Variants in MAP2 observed in about 807,000 individuals in gnomAD.
The protein encoded by MAP2 is microtubule-associated protein 2.
In MAP2, 14 loss-of-function variants were observed where a neutral mutation model predicts 137.6. The observed-to-expected ratio is 0.10, with a 90% confidence interval of 0.07 to 0.16. The LOEUF (loss-of-function observed/expected upper bound fraction) is 0.16, where lower values mean the gene tolerates loss of function less well. MAP2 is among the 10% of genes least tolerant of loss of function. MAP2 has a pLI of 1.00. For synonymous variants in MAP2, 786 were observed against 782.3 expected, an observed-to-expected ratio of 1.00 and a Z score of -0.08; for missense variants, 2,088 against 2,191.5, an observed-to-expected ratio of 0.95 and a Z score of 0.94.
chr2:209,552,570 A>C (rs1340845499), intron 2 of MAP2, among the ~76,000 whole-genome samples: 1 of 152,126 alleles, frequency 6.6e-6, no homozygotes, highest in Non-Finnish European at 1.5e-5. Flanking sequence ...TTATTTTGAG[A>C]AATACTTACT....
intron 3 of MAP2, among the ~76,000 whole-genome samples, chr2:209,624,473 A>G (rs1004496417): frequency 1.3e-5 from 2 of 152,208 alleles, no homozygotes; most frequent in East Asian, 3.8e-4. Context: ...CACTTCAGTA[A>G]GAAGTATTCT....
intron 3 of MAP2, among the ~76,000 whole-genome samples, chr2:209,622,913 C>T (rs2091542400): frequency 6.6e-6 from 1 of 152,042 alleles, no homozygotes; most frequent in African/African-American, 2.4e-5. Context: ...ATTGGGTACC[C>T]TGAATTTTTT....
chr2:209,706,809 A>G (rs1335868445), intron 12 of MAP2, among the ~76,000 whole-genome samples: 1 of 152,152 alleles, frequency 6.6e-6, no homozygotes, highest in East Asian at 1.9e-4. Flanking sequence ...AAATATGACT[A>G]TTGGCATTTA....
intron 1 of MAP2, among the ~76,000 whole-genome samples, chr2:209,484,211 C>T (rs2058079561): frequency 6.6e-6 from 1 of 152,090 alleles, no homozygotes; most frequent in African/African-American, 2.4e-5. Context: ...AATTGACTTC[C>T]CCCTGAGTGC....
chr2:209,618,472 A>G (rs1445043966), intron 3 of MAP2, among the ~76,000 whole-genome samples: 2 of 152,192 alleles, frequency 1.3e-5, no homozygotes, highest in African/African-American at 2.4e-5. Flanking sequence ...TCCCGGCAAG[A>G]TAAGTCTTAC....
At chr2:209,436,949 C>T (rs530277359) in intron 1 of MAP2, among the ~76,000 whole-genome samples, 1 of 151,710 alleles carries the variant, frequency 6.6e-6, no homozygotes, top group African/African-American at 2.4e-5. Flanking sequence ...AAACTACATT[C>T]TGTATTTTCA....
intron 1 of MAP2, among the ~76,000 whole-genome samples, chr2:209,486,654 T>C (rs77198584): frequency 0.069 from 10,462 of 152,328 alleles, 450 homozygotes; most frequent in Middle Eastern, 0.11. Context: ...ATCAGAAATT[T>C]AACCATCATT....
At chr2:209,692,494 A>G in intron 7 of MAP2, 131 bp from the exon 8 acceptor site, 1 of 912,904 alleles carries the variant, frequency 1.1e-6, no homozygotes, top group African/African-American at 1.7e-5. Flanking sequence ...TTACATGGGT[A>G]GCATGCTTGC....
At chr2:209,710,295 T>G (rs1442565980) in intron 13 of MAP2, 41 bp downstream of exon 13, 3 of 1,452,856 alleles carry the variant, frequency 2.1e-6, no homozygotes, top group Admixed American at 4.0e-5. Context: ...CAGAAATAAT[T>G]ATTACATTGC....
chr2:209,634,872 A>T (rs2093419497), intron 4 of MAP2, among the ~76,000 whole-genome samples: 1 of 152,130 alleles, frequency 6.6e-6, no homozygotes, highest in South Asian at 2.1e-4. Context: ...TCTTATAATA[A>T]TAGAGAAAGC....
Position 209,509,738 on chromosome 2 carries a change from A to G in MAP2, c.-172+2097A>G, listed in dbSNP as rs912451657. ...TCACAGAAAAAGCATGTTTATCTGT[A>G]AAACTGTTAGCTGAGCAAAATAACT... On this transcript the variant is annotated intron_variant, in intron 2 of 15. Coordinates refer to ENST00000682079, the MANE Select transcript of MAP2 (RefSeq NM_001375505.1). Among the ~76,000 whole-genome samples, 18 of 151,980 alleles carry G rather than the reference A, an allele frequency of 1.2e-4. 1 individual carries two copies. The highest frequency in any genetic ancestry group is 2.2e-4 in the Non-Finnish European group (15 of 67,836).
intron 1 of MAP2, among the ~76,000 whole-genome samples, chr2:209,457,846 G>A (rs1701904267): frequency 6.6e-6 from 1 of 152,258 alleles, no homozygotes; most frequent in East Asian, 1.9e-4. Flanking sequence ...TCCTTCTTAA[G>A]TTAGGATGAT....
chr2:209,686,496 A>T (rs2057055189), intron 7 of MAP2, among the ~76,000 whole-genome samples: 1 of 152,168 alleles, frequency 6.6e-6, no homozygotes. Flanking sequence ...ACAGATAGAT[A>T]CTATAGATTT....
In MAP2 at chr2:209,519,318, T is replaced by A. The variant is rs1180450283; in HGVS notation, c.-172+11677T>A. Among the ~76,000 whole-genome samples, 3 of 152,050 alleles carry A rather than the reference T, an allele frequency of 2.0e-5. No homozygotes were observed. The East Asian group carries it at 5.8e-4, about 29-fold the overall frequency. ...CAAGTAAAAGGACTTGACAGCCCCA[T>A]CCTAAATTCTTCAGGTAATTGGGGT... On this transcript the variant is annotated intron_variant, in intron 2 of 15. Coordinates refer to ENST00000682079, the MANE Select transcript of MAP2 (RefSeq NM_001375505.1).
chr2:209,717,907 A>G (rs956730959), intron 13 of MAP2, among the ~76,000 whole-genome samples: 2 of 152,114 alleles, frequency 1.3e-5, no homozygotes, highest in Non-Finnish European at 2.9e-5. Flanking sequence ...ATTTCTTCAC[A>G]TCTTCTTAGA....
chr2:209,510,184 A>C (rs1046173819), intron 2 of MAP2, among the ~76,000 whole-genome samples: 1 of 151,878 alleles, frequency 6.6e-6, no homozygotes, highest in Non-Finnish European at 1.5e-5. Flanking sequence ...TAATACTGCT[A>C]CCAGCATTTT....
rs560999098 is a variant in MAP2 at position 209,681,886 on chromosome 2, T to C, written c.454+1059T>C. Among the ~76,000 whole-genome samples the C allele has an allele frequency of 3.9e-5, 6 of 152,250 alleles. No homozygotes were observed. In the East Asian group the frequency reaches 9.6e-4, roughly 24 times the overall value. On this transcript the variant is annotated intron_variant, in intron 7 of 15. Coordinates refer to ENST00000682079, the MANE Select transcript of MAP2 (RefSeq NM_001375505.1). ...TCACCTCTAATATAATTTTATTTTG[T>C]CACAGATTTATAAACCTAAATTTAT... is the stretch of plus-strand genomic sequence containing the variant.
At chr2:209,562,576 A>G (rs959679379) in intron 2 of MAP2, among the ~76,000 whole-genome samples, 6 of 152,148 alleles carry the variant, frequency 3.9e-5, no homozygotes, top group East Asian at 1.9e-4. Flanking sequence ...GTGCACCTGT[A>G]GTCCCAGCTA....
intron 1 of MAP2, among the ~76,000 whole-genome samples, chr2:209,503,146 C>G (rs1335613429): frequency 4.6e-5 from 7 of 151,756 alleles, no homozygotes; most frequent in African/African-American, 1.7e-4. Context: ...ACAACAGGTG[C>G]ACATCACAAT....
Sources: gnomAD v4.1 joint callset for allele counts (sites outside exome capture counted in the v4.1 genomes callset) on GRCh38, gnomAD v4.1.1 for gene constraint, MANE v1.5 for transcripts, NCBI Gene and HGNC (gene_info 2026-07-23, HGNC 2026-07-21) for gene names.